Variants in CSMD1 observed in about 807,000 individuals in gnomAD.
CSMD1 encodes CUB and sushi domain-containing protein 1.
CSMD1 carries 213 observed loss-of-function variants against 417.5 expected under a neutral mutation model. The ratio of observed to expected loss-of-function variants is 0.51; its 90% confidence interval spans 0.46 to 0.57. The LOEUF (loss-of-function observed/expected upper bound fraction) is 0.57, where lower values mean the gene tolerates loss of function less well. CSMD1 is among the 20% of genes least tolerant of loss of function. The probability of loss-of-function intolerance (pLI) is 0.00; values close to 1 mark genes in which losing one functional copy is unlikely to be tolerated. For missense variants in CSMD1, 6,923 were observed against 4,529.7 expected (o/e 1.53, Z -15.17); for synonymous variants, 2,862 against 1,736.8 (o/e 1.65, Z -16.11).
At chr8:3,645,427 G>C (rs1286210227) in intron 7 of CSMD1, among the ~76,000 whole-genome samples, 2 of 152,226 alleles carry the variant, frequency 1.3e-5, no homozygotes, top group African/African-American at 4.8e-5. Flanking sequence ...TCTGGTCTCA[G>C]AGGAAGGGGA....
chr8:4,618,123 G>A (rs1022008587), intron 2 of CSMD1, among the ~76,000 whole-genome samples: 1 of 152,060 alleles, frequency 6.6e-6, no homozygotes, highest in African/African-American at 2.4e-5. Flanking sequence ...CACATGAAAG[G>A]TTTCTGTCCT....
chr8:4,305,272 G>C (rs908785671), intron 3 of CSMD1, among the ~76,000 whole-genome samples: 2 of 152,192 alleles, frequency 1.3e-5, no homozygotes, highest in African/African-American at 2.4e-5. Flanking sequence ...CCAATGCCTG[G>C]GAACTGAGCT....
chr8:4,320,622 T>G (rs1184606198), intron 3 of CSMD1, among the ~76,000 whole-genome samples: 1 of 152,174 alleles, frequency 6.6e-6, no homozygotes, highest in African/African-American at 2.4e-5. Flanking sequence ...GGCTTTCTGT[T>G]CTTGTGTTAC....
At chr8:4,103,567 G>A (rs940538785) in intron 3 of CSMD1, among the ~76,000 whole-genome samples, 2 of 151,856 alleles carry the variant, frequency 1.3e-5, no homozygotes, top group South Asian at 4.2e-4. Flanking sequence ...AGTTTGATAC[G>A]ATGGATACAA....
intron 2 of CSMD1, among the ~76,000 whole-genome samples, chr8:4,544,744 C>A (rs543536471): frequency 6.6e-6 from 1 of 152,276 alleles, no homozygotes; most frequent in East Asian, 1.9e-4. Flanking sequence ...GTTACAGTGT[C>A]AGAGCAAATC....
intron 18 of CSMD1, chr8:3,373,388 G>C (rs893604391): frequency 6.6e-6 from 1 of 152,160 alleles, no homozygotes; most frequent in African/African-American, 2.4e-5. Context: ...CTGCTCTCAG[G>C]CTTGTTTAGA....
intron 3 of CSMD1, among the ~76,000 whole-genome samples, chr8:4,282,073 C>A (rs188863505): frequency 6.6e-6 from 1 of 152,090 alleles, no homozygotes; most frequent in African/African-American, 2.4e-5. Context: ...ATTGTAGCAT[C>A]CAAGGGAAAA....
chr8:3,852,066 TGGA>T (rs1160560694), intron 5 of CSMD1, among the ~76,000 whole-genome samples: 1 of 152,178 alleles, frequency 6.6e-6, no homozygotes, highest in Non-Finnish European at 1.5e-5. Flanking sequence ...TGAGGCAGAC[TGGA>T]GGAGATCTTT....
intron 3 of CSMD1, among the ~76,000 whole-genome samples, chr8:4,341,149 T>A (rs1245025381): frequency 1.3e-5 from 2 of 152,102 alleles, no homozygotes; most frequent in Non-Finnish European, 2.9e-5. Context: ...TATCCAAGCA[T>A]TTTGAATTAG....
At chr8:3,909,546 T>C (rs1808322055) in intron 5 of CSMD1, among the ~76,000 whole-genome samples, 1 of 152,108 alleles carries the variant, frequency 6.6e-6, no homozygotes, top group African/African-American at 2.4e-5. Flanking sequence ...CCCAGGTATT[T>C]CAACCCTAGG....
chr8:3,734,810 TGACGGG>T (rs1217266499), intron 6 of CSMD1, among the ~76,000 whole-genome samples: 18 of 152,244 alleles, frequency 1.2e-4, no homozygotes, highest in Admixed American at 1.1e-3. Context: ...TGAGGCCCCG[TGACGGG>T]GATACCTTCC....
intron 2 of CSMD1, among the ~76,000 whole-genome samples, chr8:4,432,722 A>G (rs1397196940): frequency 2.6e-5 from 4 of 152,206 alleles, no homozygotes; most frequent in Admixed American, 6.5e-5. Context: ...TTAACTCCTG[A>G]AAGTTCACAG....
chr8:4,295,724 A>C (rs1288520950), intron 3 of CSMD1, among the ~76,000 whole-genome samples: 1 of 137,788 alleles, frequency 7.3e-6, no homozygotes, highest in Non-Finnish European at 1.5e-5. Context: ...AATTATATAT[A>C]TCTGTGTGTG....
At chr8:4,231,332 G>C (rs1051385142) in intron 3 of CSMD1, among the ~76,000 whole-genome samples, 1 of 152,164 alleles carries the variant, frequency 6.6e-6, no homozygotes, top group Non-Finnish European at 1.5e-5. Flanking sequence ...CCTCACATAT[G>C]ACTTCAATAA....
At chr8:4,251,362 G>T (rs1019582363) in intron 3 of CSMD1, among the ~76,000 whole-genome samples, 1 of 152,130 alleles carries the variant, frequency 6.6e-6, no homozygotes, top group Non-Finnish European at 1.5e-5. Context: ...TAAGAGTTTG[G>T]AAGGTTTTAT....
intron 1 of CSMD1, among the ~76,000 whole-genome samples, chr8:4,830,679 C>G (rs542275554): frequency 6.6e-6 from 1 of 152,242 alleles, no homozygotes; most frequent in Non-Finnish European, 1.5e-5. Flanking sequence ...TAATGCATGC[C>G]AACTAATGCC....
chr8:4,658,723 T>C (rs1038658439), intron 1 of CSMD1, among the ~76,000 whole-genome samples: 4 of 152,174 alleles, frequency 2.6e-5, no homozygotes, highest in African/African-American at 4.8e-5. Context: ...GTCACTATTC[T>C]TATACTTTCG....
At chr8:3,224,447 T>C (rs899011258) in intron 27 of CSMD1, among the ~76,000 whole-genome samples, 5 of 152,220 alleles carry the variant, frequency 3.3e-5, no homozygotes, top group Admixed American at 3.3e-4. Context: ...CATGAAAACA[T>C]GGCATTTCAC....
At chr8:4,037,720 A>G (rs1252095436) in intron 3 of CSMD1, among the ~76,000 whole-genome samples, 4 of 152,172 alleles carry the variant, frequency 2.6e-5, no homozygotes, top group African/African-American at 4.8e-5. Flanking sequence ...AGGTCTCCAA[A>G]TATCTGTTCT....
Sources: gnomAD v4.1 joint callset for allele counts (sites outside exome capture counted in the v4.1 genomes callset) on GRCh38, gnomAD v4.1.1 for gene constraint, MANE v1.5 for transcripts, NCBI Gene and HGNC (gene_info 2026-07-23, HGNC 2026-07-21) for gene names.